Variants in BPIFB4 observed in about 807,000 individuals in gnomAD.
BPIFB4 encodes the protein BPI fold-containing family B member 4.
In BPIFB4, 62 loss-of-function variants were observed where a neutral mutation model predicts 69.2. The observed-to-expected ratio is 0.90, with a 90% confidence interval of 0.73 to 1.11. The LOEUF (loss-of-function observed/expected upper bound fraction) is 1.11. Among genes scored for constraint, BPIFB4 ranks in the 50% least tolerant of loss-of-function variants. The pLI, the probability that BPIFB4 is intolerant of heterozygous loss-of-function variation, is 0.00. For synonymous variants in BPIFB4, 330 were observed against 332.7 expected (o/e 0.99, Z 0.09); for missense variants, 789 against 792.0 (o/e 1.00, Z 0.04).
At chr20:33,103,168 A>T (rs1262244550) in intron 15 of BPIFB4, among the ~76,000 whole-genome samples, 154 bp downstream of exon 15, 1 of 152,152 alleles carries the variant, frequency 6.6e-6, no homozygotes, top group Non-Finnish European at 1.5e-5. Context: ...CATTTTGCAG[A>T]TGGACAGATG....
chr20:33,085,178 G>A (rs1284828608), intron 6 of BPIFB4, among the ~76,000 whole-genome samples, 182 bp downstream of exon 6: 1 of 152,070 alleles, frequency 6.6e-6, no homozygotes, highest in Admixed American at 6.5e-5. Flanking sequence ...GGCTGGGCTG[G>A]GAGTGGTGGC....
chr20:33,102,964 G>A lies in BPIFB4; in HGVS notation c.1638-8G>A, dbSNP rs372082865. 71 of 1,613,862 alleles carry A rather than the reference G, an allele frequency of 4.4e-5. No homozygotes were observed. Among genetic ancestry groups the A allele is most frequent in the African/African-American group, 8.0e-5 (6 of 74,912 alleles). On this transcript the variant is annotated splice_polypyrimidine_tract_variant and splice_region_variant and intron_variant, in intron 14 of 17. Transcript: ENST00000375483. ...CTGCTTCTCACAGGCTGTTTTCTTC[G>A]TCTACAGGACCAGCCTCAACCTCAG...
intron 7 of BPIFB4, among the ~76,000 whole-genome samples, chr20:33,087,692 TA>T (rs1981470005): frequency 6.9e-6 from 1 of 144,794 alleles, no homozygotes; most frequent in South Asian, 2.2e-4. Flanking sequence ...TGAATGTACA[TA>T]AAGGAAAGTC....
intron 16 of BPIFB4, among the ~76,000 whole-genome samples, chr20:33,106,367 C>T (rs1982054620): frequency 9.4e-6 from 1 of 106,468 alleles, no homozygotes; most frequent in East Asian, 2.1e-4. Context: ...GGACACAGCT[C>T]TTTTCTTTCT....
At chr20:33,087,055 C>A in intron 7 of BPIFB4, among the ~76,000 whole-genome samples, 1 of 152,174 alleles carries the variant, frequency 6.6e-6, no homozygotes, top group East Asian at 1.9e-4. Flanking sequence ...TTCTTGGAGA[C>A]TTTACTTCTG....
At chr20:33,098,958 G>C (rs1456003932) in intron 13 of BPIFB4, among the ~76,000 whole-genome samples, 1 of 150,470 alleles carries the variant, frequency 6.6e-6, no homozygotes, top group Admixed American at 6.6e-5. Flanking sequence ...CTTCCCCCAG[G>C]TATCTGCACA....
At position 33,097,547 on chromosome 20, in the gene BPIFB4, TTGGC is replaced by T. The variant is rs768241617; in HGVS notation, c.1399-67_1399-64del. 384 of 1,479,532 alleles carry T rather than the reference TTGGC, an allele frequency of 2.6e-4. 1 individual carries two copies. Among genetic ancestry groups the T allele is most frequent in the Admixed American group, 4.0e-4 (22 of 55,376 alleles). The allele number at this position is 1,479,532 out of a possible 1,614,324, so 91.7% of individuals were successfully genotyped here. A position where few individuals can be genotyped will look rare whatever the true frequency, so the allele number is the denominator to read the frequency against. ...GACCCCGGTGCTCTGTGTTTAGAGGTTGGCTGATAACCCCCTGGGTACCTCCTAT... is the reference window on the plus strand; with the variant it reads ...GACCCCGGTGCTCTGTGTTTAGAGGTTGATAACCCCCTGGGTACCTCCTAT... On this transcript the variant is annotated intron_variant, in intron 12 of 17. Transcript: ENST00000375483.
In BPIFB4 at chr20:33,083,574, C is replaced by T. The variant is rs772002630; in HGVS notation, c.377C>T (p.Ala126Val). The T allele has an allele frequency of 3.7e-6, 6 of 1,613,902 alleles. No homozygotes were observed. The highest frequency in any genetic ancestry group is 1.6e-4 in the Middle Eastern group (1 of 6,084). The change falls in exon 5 of 18, where the codon GCC becomes GTC. Residue 126 changes from alanine (A) to valine (V), a missense_variant. Coordinates refer to ENST00000375483, the MANE Select transcript of BPIFB4 (RefSeq NM_182519.3). ...RDLRNSGYRS[A>V]ENAYGGHRGL... ...CTCCGAAACAGTGGCTATCGCAGTG[C>T]CGAGAATGCATATGGAGGCCACAGG...
rs192549955 is a variant in BPIFB4 at position 33,091,668 on chromosome 20, C to T, written c.1144-790C>T. 3.3e-5 allele frequency among the ~76,000 whole-genome samples: 5 copies of T among 152,332 alleles called. No homozygotes were observed. The East Asian group carries it at 7.7e-4, about 23-fold the overall frequency. Reference sequence around the variant, plus strand: ...GTTGAAGAGATATTCATTGGTCACCCGCTGTATGCCTGAGCTGAGGCTGAG... The same window carrying T: ...GTTGAAGAGATATTCATTGGTCACCTGCTGTATGCCTGAGCTGAGGCTGAG... On this transcript the variant is annotated intron_variant, in intron 10 of 17. Transcript: ENST00000375483.
chr20:33,082,862 A>T, intron 3 of BPIFB4, 76 bp from the exon 4 acceptor site: 1 of 1,423,534 alleles, frequency 7.0e-7, no homozygotes, highest in Admixed American at 1.7e-5. Flanking sequence ...GCTGAGCAAC[A>T]CTGCGAGGTG....
At chr20:33,111,236 C>T (rs1439851910) in intron 17 of BPIFB4, among the ~76,000 whole-genome samples, 178 bp from the exon 18 acceptor site, 2 of 152,180 alleles carry the variant, frequency 1.3e-5, no homozygotes, top group Non-Finnish European at 2.9e-5. Context: ...GTCCTCTGCA[C>T]AGGGCCAGAT....
rs1981519730 is a variant in BPIFB4, at chr20:33,089,048, A to G, written c.990+19A>G. ...TGACTTGGTAAGAAGCTGTCCCAGT[A>G]TGGGAGCAAGGGGCACAGGCTTCCC... On this transcript the variant is annotated intron_variant, in intron 8 of 17. Coordinates refer to ENST00000375483, the MANE Select transcript of BPIFB4 (RefSeq NM_182519.3). 6.2e-7 allele frequency: 1 copy of G among 1,613,562 alleles called. No individual in the cohort carries two copies. The highest frequency in any genetic ancestry group is 1.7e-5 in the Admixed American group (1 of 59,972).
intron 7 of BPIFB4, 78 bp downstream of exon 7, chr20:33,086,242 A>T: frequency 6.5e-7 from 1 of 1,529,980 alleles, no homozygotes; most frequent in Non-Finnish European, 9.0e-7. Context: ...GACGTCACCC[A>T]CCTGCCCATA....
intron 16 of BPIFB4, 26 bp downstream of exon 16, chr20:33,104,899 T>C (rs1405496782): frequency 6.2e-7 from 1 of 1,609,946 alleles, no homozygotes; most frequent in South Asian, 1.1e-5. Context: ...TGTGCCTCTC[T>C]GGGAGCTTGT....
In BPIFB4 at chr20:33,088,951, C is replaced by A. The variant is rs1981515271; in HGVS notation, c.927-15C>A. On this transcript the variant is annotated splice_polypyrimidine_tract_variant and intron_variant, in intron 7 of 17. Coordinates refer to ENST00000375483, the MANE Select transcript of BPIFB4 (RefSeq NM_182519.3). ...GGCTGCGAGCCTTGACCTCATCCTG[C>A]TCCTGTCTCCTTAGGCTTCTCCCCA... 1 of 1,613,500 alleles carries A rather than the reference C, an allele frequency of 6.2e-7. No homozygotes were observed. Among genetic ancestry groups the A allele is most frequent in the Non-Finnish European group, 8.5e-7 (1 of 1,179,632 alleles).
At chr20:33,087,204 C>G (rs1034120184) in intron 7 of BPIFB4, among the ~76,000 whole-genome samples, 8 of 152,270 alleles carry the variant, frequency 5.3e-5, no homozygotes, top group Non-Finnish European at 1.0e-4. Context: ...TTGCATGGTT[C>G]ACAAACATAA....
At chr20:33,088,631 G>C (rs150442890) in intron 7 of BPIFB4, among the ~76,000 whole-genome samples, 1 of 152,262 alleles carries the variant, frequency 6.6e-6, no homozygotes, top group African/African-American at 2.4e-5. Flanking sequence ...TGCAGCAAAT[G>C]ACCCATTTGA....
intron 13 of BPIFB4, among the ~76,000 whole-genome samples, chr20:33,099,494 C>T (rs1981847612): frequency 6.6e-6 from 1 of 152,160 alleles, no homozygotes; most frequent in Admixed American, 6.5e-5. Flanking sequence ...AGCCCTGACT[C>T]CTCCCCAGCG....
intron 12 of BPIFB4, among the ~76,000 whole-genome samples, chr20:33,095,362 C>A (rs956814137): frequency 6.6e-6 from 1 of 152,048 alleles, no homozygotes; most frequent in African/African-American, 2.4e-5. Flanking sequence ...GTGGAAAGAC[C>A]CTGAATTCTA....
Sources: allele counts gnomAD v4.1 joint callset (sites outside exome capture counted in the v4.1 genomes callset), GRCh38; gene constraint gnomAD v4.1.1; transcripts MANE v1.5; gene names NCBI Gene and HGNC (gene_info 2026-07-23, HGNC 2026-07-21).